Variants in RNF125 observed in about 807,000 individuals in gnomAD.
RNF125 encodes ring finger protein 125.
Under a neutral mutation model 26.0 loss-of-function variants are expected in RNF125, and 21 were observed. The observed-to-expected ratio is 0.81, with a 90% CI of 0.57 to 1.16. The LOEUF is 1.16. Ranked by LOEUF, RNF125 falls within the 50% of genes most tolerant of loss-of-function variation. The pLI is 0.00. For missense variants in RNF125, 270 were observed against 299.4 expected (o/e 0.90, Z 0.72); for synonymous variants, 95 against 109.2 (o/e 0.87, Z 0.81).
In RNF125 at chr18:32,072,031, A is replaced by C. The variant is rs1349502737; in HGVS notation, c.*3647A>C. 6.6e-6 allele frequency: 1 copy of C among 152,116 alleles called. No homozygotes were observed. Among genetic ancestry groups the C allele is most frequent in the Non-Finnish European group, 1.5e-5 (1 of 68,054 alleles). The allele number at this position is 152,116 out of a possible 1,614,324, so 9.4% of individuals were successfully genotyped here. A position where few individuals can be genotyped will look rare whatever the true frequency, so the allele number is the denominator to read the frequency against. ...AGACTCTTTCTATTTAAACAAAAAC[A>C]AAAACAAACAAACAAACAAACAAAA... On this transcript the variant is annotated 3_prime_UTR_variant, in exon 6 of 6. Transcript: ENST00000217740.
chr18:32,068,590 C>T lies in RNF125; in HGVS notation c.*206C>T, dbSNP rs1157829875. ...GTTTTACATCCTTGAGATTCTTACA[C>T]ATCTAACAACAAAAAAAATTATCTA... is the stretch of plus-strand genomic sequence containing the variant. On this transcript the variant is annotated 3_prime_UTR_variant, in exon 6 of 6. Transcript: ENST00000217740. 2 of 441,202 alleles carry T rather than the reference C, an allele frequency of 4.5e-6. No homozygotes were observed. The highest frequency in any genetic ancestry group is 4.1e-5 in the African/African-American group (2 of 49,362). 27.3% of individuals were successfully genotyped at this position (441,202 alleles called of 1,614,324 possible). A position where few individuals can be genotyped will look rare whatever the true frequency, so the allele number is the denominator to read the frequency against.
At chr18:32,041,618 T>C (rs1598815435) in intron 2 of RNF125, among the ~76,000 whole-genome samples, 1 of 113,092 alleles carries the variant, frequency 8.8e-6, no homozygotes, top group East Asian at 2.2e-4. Flanking sequence ...AAAATGTAGA[T>C]GCTTTTTTTT....
At chr18:32,080,542 AACTT>A in the RNF125 span, among the ~76,000 whole-genome samples, 3 of 152,368 alleles carry the variant, frequency 2.0e-5, no homozygotes, top group African/African-American at 7.2e-5. Flanking sequence ...TAATTTAAAA[AACTT>A]AATAAAGTGA....
At chr18:32,049,605 G>A (rs962925938) in intron 4 of RNF125, among the ~76,000 whole-genome samples, 3 of 152,024 alleles carry the variant, frequency 2.0e-5, no homozygotes, top group Admixed American at 6.6e-5. Flanking sequence ...GGGGGTGGCG[G>A]GGAGGAGGAG....
chr18:32,039,555 C>A (rs1291228108), intron 2 of RNF125, among the ~76,000 whole-genome samples: 1 of 152,090 alleles, frequency 6.6e-6, no homozygotes, highest in Non-Finnish European at 1.5e-5. Context: ...TAGCTTTTTA[C>A]ATTCTTAATA....
intron 1 of RNF125, among the ~76,000 whole-genome samples, chr18:32,022,323 C>CA (rs1435095952): frequency 1.8e-4 from 27 of 152,178 alleles, no homozygotes; most frequent in African/African-American, 6.5e-4. Flanking sequence ...CTGGCCCTTA[C>CA]AGAGAGCTGG....
chr18:32,065,772 C>T (rs1009429447), intron 4 of RNF125, 130 bp from the exon 5 acceptor site: 30 of 626,456 alleles, frequency 4.8e-5, no homozygotes, highest in Non-Finnish European at 8.3e-5. Context: ...ACCTGGTGAT[C>T]CGGCCGCCTC....
At chr18:32,049,449 C>G (rs1355564213) in intron 4 of RNF125, among the ~76,000 whole-genome samples, 4 of 152,138 alleles carry the variant, frequency 2.6e-5, no homozygotes. Flanking sequence ...CTGGTGATCA[C>G]TCCATTAATA....
chr18:32,042,491 G>A (rs559122517), intron 3 of RNF125, among the ~76,000 whole-genome samples: 1 of 152,174 alleles, frequency 6.6e-6, no homozygotes, highest in Non-Finnish European at 1.5e-5. Flanking sequence ...ACCAACCACA[G>A]ACTGGAGAGA....
At chr18:32,046,236 A>AAAAAG (rs1555692989) in intron 4 of RNF125, among the ~76,000 whole-genome samples, 4 of 116,448 alleles carry the variant, frequency 3.4e-5, no homozygotes, top group East Asian at 2.4e-4. Flanking sequence ...AAAAAAAAAA[A>AAAAAG]AGAGAAAGAG....
Position 32,045,503 on chromosome 18 carries a change from T to C in RNF125, c.414-139T>C, listed in dbSNP as rs532033332. 4.4e-5 allele frequency: 18 copies of C among 412,444 alleles called. No individual in the cohort carries two copies. In the Admixed American group the frequency reaches 6.9e-4, roughly 16 times the overall value. 25.5% of individuals were successfully genotyped at this position (412,444 alleles called of 1,614,324 possible). A position where few individuals can be genotyped will look rare whatever the true frequency, so the allele number is the denominator to read the frequency against. On this transcript the variant is annotated intron_variant, in intron 3 of 5. Coordinates refer to ENST00000217740, the MANE Select transcript of RNF125 (RefSeq NM_017831.4). Reference sequence around the variant, plus strand: ...GAACCCGGGAGGTGGGGAGGTTGCATTGAGCTGAGATCATGCCACTGCACT... The same window carrying C: ...GAACCCGGGAGGTGGGGAGGTTGCACTGAGCTGAGATCATGCCACTGCACT...
the RNF125 span, among the ~76,000 whole-genome samples, chr18:32,079,427 A>G: frequency 6.6e-6 from 1 of 152,226 alleles, no homozygotes; most frequent in African/African-American, 2.4e-5. Context: ...ATGTTCATTG[A>G]CTGGATGAAT....
chr18:32,087,104 A>G, the RNF125 span, among the ~76,000 whole-genome samples: 5 of 151,938 alleles, frequency 3.3e-5, no homozygotes, highest in East Asian at 9.8e-4. Context: ...GAAGCTCTGC[A>G]CCTCTTCCCC....
intron 4 of RNF125, among the ~76,000 whole-genome samples, chr18:32,056,669 T>C (rs2039387903): frequency 7.1e-6 from 1 of 140,650 alleles, no homozygotes; most frequent in African/African-American, 2.6e-5. Flanking sequence ...GATAATAACA[T>C]TAAACAATAA....
At chr18:32,031,538 AC>A (rs2039096516) in intron 1 of RNF125, among the ~76,000 whole-genome samples, 2 of 151,648 alleles carry the variant, frequency 1.3e-5, no homozygotes, top group Non-Finnish European at 2.9e-5. Context: ...TGACAAAAAA[AC>A]AAAATGTTAT....
intron 1 of RNF125, chr18:32,031,383 T>C (rs1189013735): frequency 1.3e-5 from 2 of 149,690 alleles, no homozygotes; most frequent in South Asian, 2.1e-4. Context: ...TGAATTATTG[T>C]AGGAGCCTAC....
chr18:32,032,279 T>C (rs771633518), intron 1 of RNF125, among the ~76,000 whole-genome samples: 4 of 151,840 alleles, frequency 2.6e-5, no homozygotes, highest in African/African-American at 4.8e-5. Flanking sequence ...AGTTTCACCA[T>C]GTTGGCCAGG....
chr18:32,063,537 T>C (rs941231956), intron 4 of RNF125, among the ~76,000 whole-genome samples: 3 of 151,504 alleles, frequency 2.0e-5, no homozygotes, highest in East Asian at 1.9e-4. Flanking sequence ...GTTAAACATA[T>C]ACTTATCATA....
intron 1 of RNF125, among the ~76,000 whole-genome samples, chr18:32,029,881 C>A (rs545706335): frequency 8.5e-5 from 13 of 152,108 alleles, no homozygotes; most frequent in African/African-American, 3.1e-4. Flanking sequence ...GGAAAGAGAT[C>A]AGGGCTGGAG....
Sources: gnomAD v4.1 joint callset for allele counts (sites outside exome capture counted in the v4.1 genomes callset) on GRCh38, gnomAD v4.1.1 for gene constraint, MANE v1.5 for transcripts, NCBI Gene and HGNC (gene_info 2026-07-23, HGNC 2026-07-21) for gene names.